ZNF385B: variants seen among roughly 807,000 people sequenced by gnomAD.
ZNF385B encodes the protein zinc finger protein 533.
A neutral mutation model predicts 39.2 loss-of-function variants in ZNF385B; 23 were observed. The observed-to-expected ratio is 0.59, with a 90% CI of 0.42 to 0.83. ZNF385B has a LOEUF of 0.83. Among genes scored for constraint, ZNF385B ranks in the 40% least tolerant of loss-of-function variants. The probability of loss-of-function intolerance (pLI) is 0.00; values close to 1 mark genes in which losing one functional copy is unlikely to be tolerated. For missense variants in ZNF385B, 552 were observed against 598.9 expected (o/e 0.92, Z 0.82); for synonymous variants, 205 against 222.6 (o/e 0.92, Z 0.70).
At chr2:179,760,225 T>TGCGTGC (rs1379854834) in intron 3 of ZNF385B, among the ~76,000 whole-genome samples, 6,844 of 112,820 alleles carry the variant, frequency 0.061, 200 homozygotes, top group Middle Eastern at 0.12. Context: ...CCTGTGTGCG[T>TGCGTGC]GTGTGTGTGT....
chr2:179,531,487 T>C (rs986518379), intron 4 of ZNF385B, among the ~76,000 whole-genome samples: 2 of 151,684 alleles, frequency 1.3e-5, no homozygotes, highest in African/African-American at 2.4e-5. Context: ...AATACAAAAA[T>C]CAGCTGGGTG....
intron 1 of ZNF385B, among the ~76,000 whole-genome samples, chr2:179,838,776 A>G (rs1356427333): frequency 1.3e-5 from 2 of 151,898 alleles, no homozygotes; most frequent in East Asian, 3.8e-4. Flanking sequence ...TTCTCTGAAA[A>G]ATAATCAGCA....
At chr2:179,584,302 G>C (rs1039600027) in intron 3 of ZNF385B, among the ~76,000 whole-genome samples, 67 of 152,032 alleles carry the variant, frequency 4.4e-4, no homozygotes, top group African/African-American at 1.5e-3. Context: ...TGGTGGGGTG[G>C]GGAGGGCAAA....
At chr2:179,470,497 A>G (rs912387706) in intron 6 of ZNF385B, among the ~76,000 whole-genome samples, 9 of 152,136 alleles carry the variant, frequency 5.9e-5, no homozygotes, top group African/African-American at 1.7e-4. Context: ...CCCCCGGGCT[A>G]TGGTGCAAGA....
At chr2:179,830,541 G>A (rs936000254) in intron 1 of ZNF385B, among the ~76,000 whole-genome samples, 1 of 152,014 alleles carries the variant, frequency 6.6e-6, no homozygotes, top group Non-Finnish European at 1.5e-5. Flanking sequence ...GCAATAAAAA[G>A]AAATGAGCTG....
chr2:179,836,831 T>C (rs1428584504), intron 1 of ZNF385B, among the ~76,000 whole-genome samples: 4 of 152,190 alleles, frequency 2.6e-5, no homozygotes, highest in Admixed American at 2.6e-4. Context: ...TGTTTTCTAA[T>C]GAAACAAAAG....
intron 3 of ZNF385B, among the ~76,000 whole-genome samples, chr2:179,751,379 G>A (rs1306721237): frequency 6.6e-6 from 1 of 151,994 alleles, no homozygotes; most frequent in Non-Finnish European, 1.5e-5. Context: ...ATATACTCAT[G>A]GCACCATCTT....
chr2:179,825,126 C>A (rs1040610047), intron 1 of ZNF385B, among the ~76,000 whole-genome samples: 5 of 152,130 alleles, frequency 3.3e-5, no homozygotes, highest in African/African-American at 1.2e-4. Flanking sequence ...TTAATACTCT[C>A]CCCTGGACCA....
At chr2:179,760,350 T>A (rs186536970) in intron 3 of ZNF385B, among the ~76,000 whole-genome samples, 2 of 152,026 alleles carry the variant, frequency 1.3e-5, no homozygotes, top group Admixed American at 6.6e-5. Context: ...CTCACCCCTA[T>A]CCCTTACCAA....
chr2:179,857,587 C>T (rs768773357), intron 1 of ZNF385B, among the ~76,000 whole-genome samples: 2 of 152,106 alleles, frequency 1.3e-5, no homozygotes, highest in African/African-American at 2.4e-5. Context: ...GGAAACACTG[C>T]CTTCAGCCTA....
intron 3 of ZNF385B, among the ~76,000 whole-genome samples, chr2:179,702,231 T>C (rs1215720200): frequency 1.3e-5 from 2 of 152,210 alleles, no homozygotes; most frequent in Admixed American, 1.3e-4. Context: ...TCTAAATAAA[T>C]CATACCCAAA....
At chr2:179,700,324 C>A (rs1308678132) in intron 3 of ZNF385B, among the ~76,000 whole-genome samples, 1 of 152,124 alleles carries the variant, frequency 6.6e-6, no homozygotes, top group Non-Finnish European at 1.5e-5. Context: ...CACATTCCAT[C>A]GCTCGTATGG....
chr2:179,473,895 T>C (rs1423101556), intron 6 of ZNF385B, among the ~76,000 whole-genome samples: 1 of 152,158 alleles, frequency 6.6e-6, no homozygotes, highest in Non-Finnish European at 1.5e-5. Flanking sequence ...CCATGGTGTA[T>C]ATGTGGCACC....
intron 4 of ZNF385B, among the ~76,000 whole-genome samples, chr2:179,520,042 T>A (rs1026394966): frequency 2.0e-5 from 3 of 152,142 alleles, no homozygotes; most frequent in Non-Finnish European, 4.4e-5. Flanking sequence ...TTAAAAATTT[T>A]AAGAGGGTTC....
intron 3 of ZNF385B, among the ~76,000 whole-genome samples, chr2:179,672,948 G>A (rs953985237): frequency 2.0e-5 from 3 of 152,096 alleles, no homozygotes; most frequent in African/African-American, 7.2e-5. Context: ...AAAAATCAAG[G>A]CTCTGCTCCT....
At chr2:179,515,057 C>A (rs762219792) in intron 5 of ZNF385B, among the ~76,000 whole-genome samples, 1 of 152,066 alleles carries the variant, frequency 6.6e-6, no homozygotes, top group African/African-American at 2.4e-5. Flanking sequence ...GGATTACAGG[C>A]GTGAGCCATT....
chr2:179,513,121 A>G (rs895852338), intron 5 of ZNF385B, among the ~76,000 whole-genome samples: 1 of 152,218 alleles, frequency 6.6e-6, no homozygotes, highest in Non-Finnish European at 1.5e-5. Context: ...TGAAGAGTGA[A>G]GCCAATTTCA....
chr2:179,509,511 TTCA>T (rs1253360475), intron 5 of ZNF385B, among the ~76,000 whole-genome samples: 1 of 152,194 alleles, frequency 6.6e-6, no homozygotes, highest in Non-Finnish European at 1.5e-5. Context: ...GCAAAAAATG[TTCA>T]TCATTTTGTC....
chr2:179,602,851 G>T (rs4893877), intron 3 of ZNF385B, among the ~76,000 whole-genome samples: 26,746 of 152,044 alleles, frequency 0.18, 2,942 homozygotes, highest in South Asian at 0.28. Flanking sequence ...TACATGCATT[G>T]CCACAGGTAT....
Sources: allele counts gnomAD v4.1 joint callset (sites outside exome capture counted in the v4.1 genomes callset), GRCh38; gene constraint gnomAD v4.1.1; transcripts MANE v1.5; gene names NCBI Gene and HGNC (gene_info 2026-07-23, HGNC 2026-07-21).